FOXP1: variants seen among roughly 807,000 people sequenced by gnomAD.
FOXP1 encodes the protein forkhead box protein P1.
FOXP1 carries 15 observed loss-of-function variants against 98.2 expected under a neutral mutation model. That is an observed-to-expected ratio of 0.15 (90% CI 0.10 to 0.24). The LOEUF (loss-of-function observed/expected upper bound fraction) is 0.24, where lower values mean the gene tolerates loss of function less well. Among genes scored for constraint, FOXP1 ranks in the 10% least tolerant of loss-of-function variants. The pLI, the probability that FOXP1 is intolerant of heterozygous loss-of-function variation, is 1.00. For missense variants in FOXP1, 633 were observed against 848.5 expected (o/e 0.75, Z 3.15); for synonymous variants, 371 against 314.5 (o/e 1.18, Z -1.90).
chr3:71,197,639 AAAT>A (rs1023766304), intron 6 of FOXP1, among the ~76,000 whole-genome samples: 1 of 152,176 alleles, frequency 6.6e-6, no homozygotes, highest in Non-Finnish European at 1.5e-5. Flanking sequence ...GAACATATGT[AAAT>A]ACTCTATACC....
At chr3:71,338,572 G>C (rs2076825122) in intron 4 of FOXP1, among the ~76,000 whole-genome samples, 1 of 151,922 alleles carries the variant, frequency 6.6e-6, no homozygotes, top group Non-Finnish European at 1.5e-5. Context: ...GGACTACAGG[G>C]GCCCGCCACC....
chr3:71,295,972 A>G (rs545015053), intron 5 of FOXP1: 17 of 152,270 alleles, frequency 1.1e-4, no homozygotes, highest in Non-Finnish European at 2.1e-4. Context: ...ATTGCCAGCT[A>G]CCTCTTAGGA....
rs554641995 is a variant in FOXP1 at position 71,028,944 on chromosome 3, T to C, written c.869+12384A>G. ...GTGAGAATCTAATGCCTCGCTGATC[T>C]GATAGGAGGCGAAGCTCAGGTGGTA... On this transcript the variant is annotated intron_variant, in intron 11 of 20. Transcript: ENST00000649528. 9.2e-5 allele frequency among the ~76,000 whole-genome samples: 14 copies of C among 152,318 alleles called. No homozygotes were observed. In the East Asian group the frequency reaches 2.7e-3, roughly 29 times the overall value.
At chr3:71,355,201 C>T (rs1478969206) in intron 4 of FOXP1, among the ~76,000 whole-genome samples, 1 of 152,194 alleles carries the variant, frequency 6.6e-6, no homozygotes, top group East Asian at 1.9e-4. Flanking sequence ...CATAAAAATA[C>T]AGAAATTCAC....
chr3:71,019,634 T>C (rs1576209741), intron 11 of FOXP1, among the ~76,000 whole-genome samples: 3 of 152,024 alleles, frequency 2.0e-5, no homozygotes, highest in South Asian at 4.1e-4. Context: ...GTTTGAGACC[T>C]GCCTGGCCAA....
chr3:71,140,855 C>T (rs1030988818), intron 6 of FOXP1, among the ~76,000 whole-genome samples: 5 of 152,000 alleles, frequency 3.3e-5, no homozygotes, highest in South Asian at 2.1e-4. Context: ...ATGGGGCAAC[C>T]GTAGTCCTAG....
intron 6 of FOXP1, among the ~76,000 whole-genome samples, chr3:71,156,378 C>T (rs1358942853): frequency 2.6e-5 from 4 of 152,148 alleles, no homozygotes; most frequent in Non-Finnish European, 5.9e-5. Context: ...ACAACATTGC[C>T]AGCCTCAAAG....
intron 2 of FOXP1, chr3:71,574,461 C>G (rs955376710): frequency 6.6e-6 from 1 of 152,154 alleles, no homozygotes. Context: ...AACATTTTAT[C>G]TTCCTTTATT....
Position 71,016,655 on chromosome 3 carries a change from G to GC in FOXP1, c.870-1003_870-1002insG, listed in dbSNP as rs2044531693. On this transcript the variant is annotated intron_variant, in intron 11 of 20. Coordinates refer to ENST00000649528, the MANE Select transcript of FOXP1 (RefSeq NM_001349338.3). Reference sequence around the variant, plus strand: ...CAAGCACAATGAATGATGATTACAAGAACACACACACACACACACACACAC... The same window carrying GC: ...CAAGCACAATGAATGATGATTACAAGCAACACACACACACACACACACACAC... Among the ~76,000 whole-genome samples, 5 of 86,198 alleles carry GC rather than the reference G, an allele frequency of 5.8e-5. No individual in the cohort carries two copies. The South Asian group carries it at 1.1e-3, about 19-fold the overall frequency. The allele number at this position is 86,198 out of a possible 152,430, so 56.5% of individuals were successfully genotyped here.
intron 4 of FOXP1, among the ~76,000 whole-genome samples, chr3:71,312,606 T>C (rs1576917774): frequency 6.6e-6 from 1 of 152,208 alleles, no homozygotes; most frequent in Non-Finnish European, 1.5e-5. Context: ...GGACGATTGC[T>C]TGAGCCCAGG....
intron 4 of FOXP1, among the ~76,000 whole-genome samples, chr3:71,308,811 GA>G (rs2074487886): frequency 1.4e-5 from 2 of 146,684 alleles, no homozygotes; most frequent in African/African-American, 2.5e-5. Flanking sequence ...GTGTGTGGGT[GA>G]GGGGGGACAG....
At chr3:71,071,592 G>C (rs1055868161) in intron 7 of FOXP1, among the ~76,000 whole-genome samples, 53 of 151,674 alleles carry the variant, frequency 3.5e-4, no homozygotes, top group Non-Finnish European at 1.0e-4. Flanking sequence ...TTTCTTTTTT[G>C]AGATGGAGTC....
chr3:71,477,587 TAG>T (rs1553896012), intron 3 of FOXP1, among the ~76,000 whole-genome samples: 1 of 152,198 alleles, frequency 6.6e-6, no homozygotes, highest in Non-Finnish European at 1.5e-5. Flanking sequence ...CCATACAACA[TAG>T]AGTTAGCAAA....
intron 3 of FOXP1, among the ~76,000 whole-genome samples, chr3:71,374,035 G>C (rs1242625317): frequency 1.3e-5 from 2 of 152,100 alleles, no homozygotes; most frequent in African/African-American, 4.8e-5. Context: ...TGTAAATTTA[G>C]ACCACCATAA....
At chr3:71,372,192 T>G (rs1226222248) in intron 3 of FOXP1, among the ~76,000 whole-genome samples, 2 of 151,328 alleles carry the variant, frequency 1.3e-5, no homozygotes, top group African/African-American at 4.9e-5. Context: ...TTTTTTTTTT[T>G]TGTACTTTTA....
intron 6 of FOXP1, among the ~76,000 whole-genome samples, chr3:71,135,044 G>T (rs1000753872): frequency 2.0e-5 from 3 of 151,948 alleles, no homozygotes; most frequent in Admixed American, 2.0e-4. Context: ...GGATCACGAG[G>T]TCAAAAGAGA....
At chr3:71,527,490 A>G (rs1245274891) in intron 2 of FOXP1, among the ~76,000 whole-genome samples, 2 of 152,192 alleles carry the variant, frequency 1.3e-5, no homozygotes, top group Non-Finnish European at 2.9e-5. Flanking sequence ...AGGTTTGATG[A>G]GACGATCTCT....
chr3:71,303,589 T>C (rs768470652), intron 4 of FOXP1, among the ~76,000 whole-genome samples: 1 of 152,148 alleles, frequency 6.6e-6, no homozygotes, highest in African/African-American at 2.4e-5. Context: ...TCTTAGAAAA[T>C]ATAAGGACAT....
At chr3:70,977,097 A>G in intron 16 of FOXP1, 55 bp from the exon 17 acceptor site, 1 of 1,159,960 alleles carries the variant, frequency 8.6e-7, no homozygotes, top group Non-Finnish European at 1.3e-6. Context: ...CAGAGTCGTC[A>G]TTCCACAGTT....
Sources: gnomAD v4.1 joint callset for allele counts (sites outside exome capture counted in the v4.1 genomes callset) on GRCh38, gnomAD v4.1.1 for gene constraint, MANE v1.5 for transcripts, NCBI Gene and HGNC (gene_info 2026-07-23, HGNC 2026-07-21) for gene names.